AKAP7: variants seen among roughly 807,000 people sequenced by gnomAD.
AKAP7 encodes A-kinase anchoring protein 7, also known as A kinase (PRKA) anchor protein 7.
A neutral mutation model predicts 39.5 loss-of-function variants in AKAP7; 39 were observed. That is an observed-to-expected ratio of 0.99 (90% CI 0.76 to 1.29). The LOEUF (loss-of-function observed/expected upper bound fraction) is 1.29. AKAP7 is among the 50% of genes most tolerant of loss of function. AKAP7 has a pLI of 0.00. For missense variants in AKAP7, 414 were observed against 407.7 expected, an observed-to-expected ratio of 1.02 and a Z score of -0.13; for synonymous variants, 140 against 139.1, an observed-to-expected ratio of 1.01 and a Z score of -0.05.
chr6:131,241,490 A>T (rs905948810), intron 7 of AKAP7, among the ~76,000 whole-genome samples: 1 of 151,340 alleles, frequency 6.6e-6, no homozygotes, highest in Non-Finnish European at 1.5e-5. Context: ...CAAGAAGATG[A>T]TGAGTTCAGT....
chr6:131,200,113 G>T (rs974485278), intron 6 of AKAP7: 2 of 155,242 alleles, frequency 1.3e-5, no homozygotes, highest in African/African-American at 4.8e-5. Flanking sequence ...CTTTCCTGGA[G>T]GTACTTTAAA....
At chr6:131,250,551 C>CA in intron 7 of AKAP7, 1 of 1,613,852 alleles carries the variant, frequency 6.2e-7, no homozygotes, top group Non-Finnish European at 8.5e-7. Flanking sequence ...CCAGGAAAGA[C>CA]AGACAGGACC....
intron 5 of AKAP7, among the ~76,000 whole-genome samples, chr6:131,171,835 G>A (rs1411533212): frequency 5.9e-5 from 9 of 152,140 alleles, no homozygotes; most frequent in Non-Finnish European, 1.2e-4. Context: ...TCAAGAGAGT[G>A]GTAGAATGTT....
At chr6:131,175,696 C>G (rs1804505796) in intron 5 of AKAP7, among the ~76,000 whole-genome samples, 1 of 152,164 alleles carries the variant, frequency 6.6e-6, no homozygotes, top group Non-Finnish European at 1.5e-5. Context: ...CTCTGCCCTC[C>G]TGCCCTTCCC....
intron 7 of AKAP7, among the ~76,000 whole-genome samples, chr6:131,258,801 C>G (rs1813068750): frequency 6.6e-6 from 1 of 152,154 alleles, no homozygotes; most frequent in Non-Finnish European, 1.5e-5. Context: ...ATTTTCTGCA[C>G]TTATTTATAT....
intron 7 of AKAP7, among the ~76,000 whole-genome samples, chr6:131,274,104 G>A (rs1332590176): frequency 6.6e-6 from 1 of 151,880 alleles, no homozygotes; most frequent in Non-Finnish European, 1.5e-5. Flanking sequence ...TGTCATTCTT[G>A]TCTGTGTTTC....
chr6:131,198,319 T>A (rs1288706939), intron 5 of AKAP7, among the ~76,000 whole-genome samples: 2 of 152,204 alleles, frequency 1.3e-5, no homozygotes. Context: ...ATTTATCTTT[T>A]CAAAAATGAG....
intron 7 of AKAP7, among the ~76,000 whole-genome samples, chr6:131,265,976 C>G (rs889197315): frequency 2.0e-5 from 3 of 152,126 alleles, no homozygotes; most frequent in African/African-American, 7.2e-5. Flanking sequence ...TTGGAAAATA[C>G]AAGTGTGCAG....
At chr6:131,132,360 A>G (rs549071457), upstream of AKAP7, among the ~76,000 whole-genome samples, 2 of 151,980 alleles carry the variant, frequency 1.3e-5, no homozygotes, top group African/African-American at 4.8e-5. Context: ...TTGTTTTATG[A>G]AAGCAAAAAA....
upstream of AKAP7, among the ~76,000 whole-genome samples, chr6:131,131,621 T>C (rs1435457235): frequency 6.6e-6 from 1 of 152,172 alleles, no homozygotes; most frequent in East Asian, 1.9e-4. Flanking sequence ...ATACGAAGAC[T>C]TTAAAACATA....
chr6:131,237,854 C>T (rs967569286), intron 7 of AKAP7, among the ~76,000 whole-genome samples: 2 of 152,122 alleles, frequency 1.3e-5, no homozygotes, highest in Non-Finnish European at 2.9e-5. Context: ...TTCCAAAAAC[C>T]AGCTCCTGGA....
intron 6 of AKAP7, among the ~76,000 whole-genome samples, chr6:131,214,271 C>T (rs1808945077): frequency 6.6e-6 from 1 of 152,132 alleles, no homozygotes; most frequent in Admixed American, 6.5e-5. Flanking sequence ...CTACTACTTG[C>T]TGAAAGGTGT....
intron 5 of AKAP7, among the ~76,000 whole-genome samples, chr6:131,193,085 C>A (rs765111670): frequency 1.3e-5 from 2 of 151,994 alleles, no homozygotes; most frequent in Admixed American, 6.6e-5. Flanking sequence ...CTTCTGTTGT[C>A]TGATTGCTCT....
At chr6:131,136,300 C>A (rs557484161) in intron 1 of AKAP7, among the ~76,000 whole-genome samples, 2 of 152,286 alleles carry the variant, frequency 1.3e-5, no homozygotes, top group African/African-American at 4.8e-5. Flanking sequence ...CAGTTTAGGT[C>A]AGCGTTTGTT....
intron 7 of AKAP7, among the ~76,000 whole-genome samples, chr6:131,254,978 T>C: frequency 6.6e-6 from 1 of 152,184 alleles, no homozygotes; most frequent in Non-Finnish European, 1.5e-5. Context: ...GGATTTAATG[T>C]CTGGTGAATA....
chr6:131,241,300 G>T (rs1811532796), intron 7 of AKAP7, among the ~76,000 whole-genome samples: 1 of 152,052 alleles, frequency 6.6e-6, no homozygotes, highest in South Asian at 2.1e-4. Context: ...AGAAGGAGGA[G>T]GGGTGCATTG....
intron 3 of AKAP7, among the ~76,000 whole-genome samples, chr6:131,163,383 C>G (rs1227593289): frequency 1.3e-5 from 2 of 152,134 alleles, no homozygotes; most frequent in Non-Finnish European, 2.9e-5. Context: ...TCTTTTTAAA[C>G]TACTTATGAG....
At chr6:131,236,513 A>G (rs1811073545) in intron 7 of AKAP7, among the ~76,000 whole-genome samples, 1 of 152,144 alleles carries the variant, frequency 6.6e-6, no homozygotes. Flanking sequence ...CCATTTTCAC[A>G]ATATTGATTC....
chr6:131,194,190 T>C (rs1806692926), intron 5 of AKAP7, among the ~76,000 whole-genome samples: 1 of 152,046 alleles, frequency 6.6e-6, no homozygotes, highest in Admixed American at 6.5e-5. Context: ...AAATTCCCTC[T>C]TAGCATGGCT....
Sources: gnomAD v4.1 joint callset for allele counts (sites outside exome capture counted in the v4.1 genomes callset) on GRCh38, gnomAD v4.1.1 for gene constraint, MANE v1.5 for transcripts, NCBI Gene and HGNC (gene_info 2026-07-23, HGNC 2026-07-21) for gene names.